The following PDZRN4 variants were observed in gnomAD, a reference collection of about 807,000 sequenced individuals.
PDZRN4 encodes the protein PDZ domain-containing RING finger protein 4.
PDZRN4 carries 70 observed loss-of-function variants against 99.0 expected under a neutral mutation model. The ratio of observed to expected loss-of-function variants is 0.71; its 90% CI spans 0.58 to 0.86. The LOEUF is 0.86. PDZRN4 is among the 40% of genes least tolerant of loss of function. PDZRN4 has a pLI of 0.00. For missense variants in PDZRN4, 1,474 were observed against 1,331.2 expected, an observed-to-expected ratio of 1.11 and a Z score of -1.67; for synonymous variants, 551 against 501.6, an observed-to-expected ratio of 1.10 and a Z score of -1.32.
rs573739352 is a variant in PDZRN4, at chr12:41,229,952, A to G, written c.843+35764A>G. On this transcript the variant is annotated intron_variant, in intron 3 of 9. Coordinates refer to ENST00000402685, the MANE Select transcript of PDZRN4 (RefSeq NM_001164595.2). ...TTGGTGGACTTAGTGGTTTTTCCCA[A>G]GTTTCCACAAGCGGCTTTTGTCAGA... 4.6e-5 allele frequency among the ~76,000 whole-genome samples: 7 copies of G among 152,138 alleles called. No homozygotes were observed. The South Asian group carries it at 1.0e-3, about 23-fold the overall frequency.
intron 3 of PDZRN4, among the ~76,000 whole-genome samples, chr12:41,233,358 A>G (rs532017442): frequency 6.6e-6 from 1 of 152,270 alleles, no homozygotes; most frequent in Non-Finnish European, 1.5e-5. Flanking sequence ...AACTAGTTCA[A>G]CCATTGTTGG....
intron 3 of PDZRN4, among the ~76,000 whole-genome samples, chr12:41,486,247 G>A (rs745485600): frequency 6.6e-6 from 1 of 152,092 alleles, no homozygotes; most frequent in Non-Finnish European, 1.5e-5. Flanking sequence ...GTCCCGTTTT[G>A]TTAAATCCAA....
chr12:41,267,700 G>A lies in PDZRN4; in HGVS notation c.843+73512G>A, dbSNP rs565352765. On this transcript the variant is annotated intron_variant, in intron 3 of 9. Coordinates refer to ENST00000402685, the MANE Select transcript of PDZRN4 (RefSeq NM_001164595.2). ...AAAAAAAAAAAAAAAAATTAACTGG[G>A]TATGGTGGCGGATGCCTGTAATCTC... is the stretch of plus-strand genomic sequence containing the variant. Among the ~76,000 whole-genome samples the A allele has an allele frequency of 2.6e-5, 4 of 151,650 alleles. No homozygotes were observed. The South Asian group carries it at 8.3e-4, about 32-fold the overall frequency.
intron 3 of PDZRN4, among the ~76,000 whole-genome samples, chr12:41,401,536 C>T (rs1202156723): frequency 2.6e-5 from 4 of 152,128 alleles, no homozygotes; most frequent in Non-Finnish European, 4.4e-5. Context: ...GTTTCTTCCT[C>T]GCTTGCCTCA....
At position 41,502,222 on chromosome 12, in the gene PDZRN4, C is replaced by T. The variant is rs11180969; in HGVS notation, c.844-4234C>T. On this transcript the variant is annotated intron_variant, in intron 3 of 9. Coordinates refer to ENST00000402685, the MANE Select transcript of PDZRN4 (RefSeq NM_001164595.2). The stretch of plus-strand genomic sequence containing the variant: ...TCTTATCGAATATCAATGGCACAAA[C>T]CTTTTCAGTTGTACACTAGTTGCCC... 6.4e-3 allele frequency among the ~76,000 whole-genome samples: 980 copies of T among 152,180 alleles called. 44 individuals carry two copies. The East Asian group carries it at 0.12, about 19-fold the overall frequency.
intron 3 of PDZRN4, among the ~76,000 whole-genome samples, chr12:41,253,736 T>C (rs1014092445): frequency 3.3e-5 from 5 of 152,138 alleles, no homozygotes; most frequent in African/African-American, 1.2e-4. Flanking sequence ...TATGGAACTG[T>C]GTGTCCATCA....
intron 3 of PDZRN4, among the ~76,000 whole-genome samples, chr12:41,349,216 A>G (rs1210703843): frequency 6.6e-6 from 1 of 151,918 alleles, no homozygotes. Context: ...AAAGTTTGAG[A>G]ACCACTGTTG....
intron 3 of PDZRN4, among the ~76,000 whole-genome samples, chr12:41,240,912 A>G (rs1951097720): frequency 6.6e-6 from 1 of 152,174 alleles, no homozygotes; most frequent in African/African-American, 2.4e-5. Flanking sequence ...GGGGGAACAC[A>G]ACATTCAGAC....
intron 3 of PDZRN4, among the ~76,000 whole-genome samples, chr12:41,418,999 C>T (rs1388853303): frequency 6.6e-6 from 1 of 152,146 alleles, no homozygotes; most frequent in Non-Finnish European, 1.5e-5. Flanking sequence ...CAGATTAAGG[C>T]TATGTAACTC....
chr12:41,258,771 A>C (rs1951219113), intron 3 of PDZRN4, among the ~76,000 whole-genome samples: 1 of 152,162 alleles, frequency 6.6e-6, no homozygotes, highest in Admixed American at 6.5e-5. Flanking sequence ...GATGATCAAT[A>C]AATAAATAAG....
At chr12:41,450,784 C>T (rs2733297) in intron 3 of PDZRN4, among the ~76,000 whole-genome samples, 76,917 of 151,280 alleles carry the variant, frequency 0.51, 19,961 homozygotes, top group African/African-American at 0.64. Context: ...AGAAATTAAC[C>T]GAGCTTGGTG....
In PDZRN4 at chr12:41,572,999, C is replaced by T; in HGVS notation, c.2220C>T (p.Asn740=). The change falls in exon 10 of 10, where the codon AAC becomes AAT. Residue 740 remains asparagine (N), a synonymous_variant. Coordinates refer to ENST00000402685, the MANE Select transcript of PDZRN4 (RefSeq NM_001164595.2). ...ACAAGGACAGTTCTAGTGCTTACAACACAGCTGAGAGCTGCAGAAGTACTC... is the reference window on the plus strand; with the variant it reads ...ACAAGGACAGTTCTAGTGCTTACAATACAGCTGAGAGCTGCAGAAGTACTC... ...KSDKDSSSAY[N]TAESCRSTPL... 1 of 1,614,134 alleles carries T rather than the reference C, an allele frequency of 6.2e-7. No individual in the cohort carries two copies. Among genetic ancestry groups the T allele is most frequent in the Non-Finnish European group, 8.5e-7 (1 of 1,180,010 alleles).
intron 3 of PDZRN4, among the ~76,000 whole-genome samples, chr12:41,466,559 C>T (rs893872954): frequency 1.3e-5 from 2 of 152,164 alleles, no homozygotes; most frequent in Admixed American, 6.5e-5. Context: ...TCCCTTTGGG[C>T]TTTCCTTCTC....
chr12:41,390,732 G>T (rs1244575426), intron 3 of PDZRN4, among the ~76,000 whole-genome samples: 1 of 152,034 alleles, frequency 6.6e-6, no homozygotes, highest in Non-Finnish European at 1.5e-5. Flanking sequence ...ACAGTGGTCT[G>T]CAGGAGGTAA....
At position 41,573,749 on chromosome 12, in the gene PDZRN4, G is replaced by C; in HGVS notation, c.2970G>C (p.Leu990=). 1 of 1,613,832 alleles carries C rather than the reference G, an allele frequency of 6.2e-7. No homozygotes were observed. The highest frequency in any genetic ancestry group is 2.2e-5 in the East Asian group (1 of 44,842). ...EGKKEINIIE[L]SHKKMMKKRN... ...AGAAGGAGATCAATATCATTGAACT[G>C]AGTCACAAAAAGATGATGAAAAAGA... The change falls in exon 10 of 10, where the codon CTG becomes CTC. Residue 990 remains leucine (L), a synonymous_variant. Coordinates refer to ENST00000402685, the MANE Select transcript of PDZRN4 (RefSeq NM_001164595.2).
At chr12:41,435,108 G>A (rs1952617209) in intron 3 of PDZRN4, among the ~76,000 whole-genome samples, 1 of 152,126 alleles carries the variant, frequency 6.6e-6, no homozygotes, top group African/African-American at 2.4e-5. Flanking sequence ...ATACATGATT[G>A]GAAAAGCTGC....
At chr12:41,221,337 C>G (rs950532549) in intron 3 of PDZRN4, among the ~76,000 whole-genome samples, 6 of 152,088 alleles carry the variant, frequency 3.9e-5, no homozygotes, top group African/African-American at 1.2e-4. Flanking sequence ...CTATTGTAAC[C>G]CAAATATATT....
At chr12:41,228,041 C>T (rs1359026231) in intron 3 of PDZRN4, among the ~76,000 whole-genome samples, 1 of 152,026 alleles carries the variant, frequency 6.6e-6, no homozygotes, top group East Asian at 1.9e-4. Flanking sequence ...ATGCCATCCA[C>T]AGTAGAAATA....
chr12:41,318,798 T>A (rs1036327387), intron 3 of PDZRN4, among the ~76,000 whole-genome samples: 1 of 152,158 alleles, frequency 6.6e-6, no homozygotes, highest in Non-Finnish European at 1.5e-5. Context: ...GGAAGTCTCT[T>A]CCTGTTCTGA....
Sources: allele counts gnomAD v4.1 joint callset (sites outside exome capture counted in the v4.1 genomes callset), GRCh38; gene constraint gnomAD v4.1.1; transcripts MANE v1.5; gene names NCBI Gene and HGNC (gene_info 2026-07-23, HGNC 2026-07-21).